KCNMA1: variants seen among roughly 807,000 people sequenced by gnomAD.
The protein encoded by KCNMA1 is Calcium-activated potassium channel subunit alpha-1.
A neutral mutation model predicts 140.0 loss-of-function variants in KCNMA1; 29 were observed. The ratio of observed to expected loss-of-function variants is 0.21; its 90% CI spans 0.15 to 0.28. The LOEUF (loss-of-function observed/expected upper bound fraction) is 0.28, where lower values mean the gene tolerates loss of function less well. KCNMA1 is among the 10% of genes least tolerant of loss of function. The probability of loss-of-function intolerance (pLI) is 1.00; values close to 1 mark genes in which losing one functional copy is unlikely to be tolerated. For missense variants in KCNMA1, 880 were observed against 1,602.2 expected (o/e 0.55, Z 7.70); for synonymous variants, 612 against 611.9 (o/e 1.00, Z 0.00).
At chr10:76,941,698 A>G (rs1335044822) in intron 23 of KCNMA1, among the ~76,000 whole-genome samples, 1 of 152,212 alleles carries the variant, frequency 6.6e-6, no homozygotes, top group Non-Finnish European at 1.5e-5. Context: ...CCAGGGGTCT[A>G]CGAGAATCAC....
chr10:77,453,852 C>T (rs1222321674), intron 1 of KCNMA1, among the ~76,000 whole-genome samples: 2 of 152,140 alleles, frequency 1.3e-5, no homozygotes, highest in Non-Finnish European at 1.5e-5. Flanking sequence ...GAACATTTCC[C>T]AGAGTTTATA....
intron 2 of KCNMA1, among the ~76,000 whole-genome samples, chr10:77,288,077 A>G (rs888330882): frequency 6.6e-5 from 10 of 152,230 alleles, no homozygotes; most frequent in African/African-American, 2.4e-4. Flanking sequence ...ACTTCCCCTC[A>G]TACATGCATG....
At chr10:76,945,013 GAC>G (rs2063537660) in intron 22 of KCNMA1, 48 bp from the exon 23 acceptor site, 2 of 1,497,082 alleles carry the variant, frequency 1.3e-6, no homozygotes, top group Non-Finnish European at 1.9e-6. Context: ...GGGAGAAAGA[GAC>G]AGAGAGAGAG....
At chr10:77,240,240 C>A (rs763352234) in intron 3 of KCNMA1, among the ~76,000 whole-genome samples, 1 of 152,118 alleles carries the variant, frequency 6.6e-6, no homozygotes, top group African/African-American at 2.4e-5. Context: ...GAGCTTCTAA[C>A]AACGTTATTT....
At chr10:77,471,016 G>A (rs1374182726) in intron 1 of KCNMA1, among the ~76,000 whole-genome samples, 3 of 151,300 alleles carry the variant, frequency 2.0e-5, no homozygotes, top group Admixed American at 6.6e-5. Flanking sequence ...CAACACACAT[G>A]TAACACAACA....
chr10:77,063,355 G>T lies in KCNMA1; in HGVS notation c.1749+9742C>A, dbSNP rs534309245. 6.8e-3 allele frequency among the ~76,000 whole-genome samples: 1,039 copies of T among 152,190 alleles called. 8 individuals carry two copies. Among genetic ancestry groups the T allele is most frequent in the Middle Eastern group, 0.031 (9 of 294 alleles). On this transcript the variant is annotated intron_variant, in intron 14 of 27. Coordinates refer to ENST00000286628, the MANE Select transcript of KCNMA1 (RefSeq NM_001161352.2). Reference sequence around the variant, plus strand: ...TTGAACCTGGGGGCTGCAGCGGCTGGGTTGCTGGGGGAGAGGTGGGCGGAG... The same window carrying T: ...TTGAACCTGGGGGCTGCAGCGGCTGTGTTGCTGGGGGAGAGGTGGGCGGAG...
intron 1 of KCNMA1, among the ~76,000 whole-genome samples, chr10:77,581,924 C>G (rs11002211): frequency 0.15 from 22,441 of 152,198 alleles, 2,159 homozygotes; most frequent in Non-Finnish European, 0.21. Flanking sequence ...GAACAGAGGC[C>G]GATTCTGCCA....
chr10:77,108,216 T>C lies in KCNMA1; in HGVS notation c.1223+265A>G. 8.0e-7 allele frequency: 1 copy of C among 1,249,570 alleles called. No individual in the cohort carries two copies. 77.4% of individuals were successfully genotyped at this position (1,249,570 alleles called of 1,614,324 possible). ...CCGGTGGGGTTGGGGAGGGGCAGAATTCAGATGGCACCTCCACAGGGACTC... is the reference window on the plus strand; with the variant it reads ...CCGGTGGGGTTGGGGAGGGGCAGAACTCAGATGGCACCTCCACAGGGACTC... On this transcript the variant is annotated intron_variant, in intron 9 of 27. Coordinates refer to ENST00000286628, the MANE Select transcript of KCNMA1 (RefSeq NM_001161352.2). The surrounding 1 kb of genome is among the most constrained non-coding windows in gnomAD (Gnocchi z 4.6).
chr10:76,923,302 A>G (rs995164231), intron 23 of KCNMA1, among the ~76,000 whole-genome samples: 1 of 152,058 alleles, frequency 6.6e-6, no homozygotes, highest in Non-Finnish European at 1.5e-5. Flanking sequence ...ATTAACTTAA[A>G]GATGTAGTCC....
At chr10:77,570,095 T>C (rs1431938009) in intron 1 of KCNMA1, among the ~76,000 whole-genome samples, 1 of 151,558 alleles carries the variant, frequency 6.6e-6, no homozygotes, top group Admixed American at 6.6e-5. Flanking sequence ...CAACAGGTGC[T>C]GGAGAGGATG....
intron 19 of KCNMA1, among the ~76,000 whole-genome samples, chr10:76,992,895 T>C (rs1381919072): frequency 1.3e-5 from 2 of 152,206 alleles, no homozygotes; most frequent in South Asian, 2.1e-4. Context: ...GGTTAAGTGT[T>C]TGAAAACTAC....
intron 5 of KCNMA1, among the ~76,000 whole-genome samples, chr10:77,154,452 C>G (rs1452823640): frequency 6.6e-6 from 1 of 152,168 alleles, no homozygotes; most frequent in Non-Finnish European, 1.5e-5. Flanking sequence ...CTAACCACCC[C>G]TAGCCCTGAT....
At chr10:77,013,846 A>G (rs1004234533) in intron 17 of KCNMA1, among the ~76,000 whole-genome samples, 1 of 152,220 alleles carries the variant, frequency 6.6e-6, no homozygotes, top group African/African-American at 2.4e-5. Flanking sequence ...GATTGAATTC[A>G]CATAGCCTGG....
chr10:77,157,146 T>TA (rs1243682836), intron 5 of KCNMA1, among the ~76,000 whole-genome samples: 2 of 152,114 alleles, frequency 1.3e-5, no homozygotes, highest in Non-Finnish European at 2.9e-5. Context: ...TTTTATTTTT[T>TA]AAAAAAACAT....
chr10:76,975,059 C>T (rs1019913915), intron 19 of KCNMA1, among the ~76,000 whole-genome samples: 4 of 152,270 alleles, frequency 2.6e-5, no homozygotes, highest in African/African-American at 9.6e-5. Flanking sequence ...CATTAAATGC[C>T]GTGAGTTTGC....
chr10:77,403,279 C>T (rs979423880), intron 2 of KCNMA1, among the ~76,000 whole-genome samples: 1 of 152,160 alleles, frequency 6.6e-6, no homozygotes, highest in Non-Finnish European at 1.5e-5. Context: ...CAGAAAAGGG[C>T]ACACAAGCGA....
intron 1 of KCNMA1, among the ~76,000 whole-genome samples, chr10:77,429,236 C>G (rs924393058): frequency 5.3e-5 from 8 of 152,128 alleles, no homozygotes; most frequent in African/African-American, 1.9e-4. Context: ...AGTGTTAGAG[C>G]CAGGAACAGA....
At chr10:77,536,245 G>A (rs997267359) in intron 1 of KCNMA1, among the ~76,000 whole-genome samples, 1 of 152,182 alleles carries the variant, frequency 6.6e-6, no homozygotes, top group African/African-American at 2.4e-5. Flanking sequence ...ATTTGGTTTG[G>A]CAACTACTCT....
At chr10:76,928,183 G>T (rs2058256472) in intron 23 of KCNMA1, among the ~76,000 whole-genome samples, 1 of 151,604 alleles carries the variant, frequency 6.6e-6, no homozygotes, top group Non-Finnish European at 1.5e-5. Flanking sequence ...ACAGAAGAAA[G>T]GAGATATAAA....
Sources: allele counts gnomAD v4.1 joint callset (sites outside exome capture counted in the v4.1 genomes callset), GRCh38; gene constraint gnomAD v4.1.1; non-coding constraint Gnocchi (gnomAD v3.1); transcripts MANE v1.5; gene names NCBI Gene and HGNC (gene_info 2026-07-23, HGNC 2026-07-21).